MBIP: variants seen among roughly 807,000 people sequenced by gnomAD.
MBIP encodes MAP3K12 binding inhibitory protein 1.
A neutral mutation model predicts 45.7 loss-of-function variants in MBIP; 32 were observed. The observed-to-expected ratio is 0.70, with a 90% confidence interval of 0.53 to 0.94. MBIP has a LOEUF of 0.94. Among genes scored for constraint, MBIP ranks in the 40% least tolerant of loss-of-function variants. The pLI is 0.00. For synonymous variants in MBIP, 145 were observed against 141.0 expected (o/e 1.03, Z -0.20); for missense variants, 381 against 405.5 (o/e 0.94, Z 0.52).
At chr14:36,315,213 T>C (rs1262710704) in intron 2 of MBIP, among the ~76,000 whole-genome samples, 1 of 152,144 alleles carries the variant, frequency 6.6e-6, no homozygotes, top group Non-Finnish European at 1.5e-5. Context: ...GAGAGAATCA[T>C]TCTGTCACTC....
At chr14:36,313,136 TTCC>T (rs1189113717) in intron 4 of MBIP, among the ~76,000 whole-genome samples, 2 of 151,882 alleles carry the variant, frequency 1.3e-5, no homozygotes, top group African/African-American at 2.4e-5. Context: ...ATAGACATCT[TTCC>T]TCCTTTTTTT....
rs1309486352 is a variant in MBIP, at chr14:36,315,128, G to C, written c.250-213C>G. The stretch of plus-strand genomic sequence containing the variant: ...AACCATTATCATTTGCTATAAATTT[G>C]TTTTTTAAAAAAGGAGAGAGGAAAA... On this transcript the variant is annotated intron_variant, in intron 2 of 8. Transcript: ENST00000416007. Among the ~76,000 whole-genome samples, 3 of 151,638 alleles carry C rather than the reference G, an allele frequency of 2.0e-5. No individual in the cohort carries two copies. In the East Asian group the frequency reaches 5.8e-4, roughly 29 times the overall value.
chr14:36,301,303 G>A (rs1879533185), intron 7 of MBIP, among the ~76,000 whole-genome samples: 1 of 152,212 alleles, frequency 6.6e-6, no homozygotes, highest in African/African-American at 2.4e-5. Context: ...GTTTATGCAA[G>A]CAGCTACCTA....
intron 2 of MBIP, among the ~76,000 whole-genome samples, chr14:36,315,833 A>T (rs1163064290): frequency 6.6e-6 from 1 of 152,170 alleles, no homozygotes; most frequent in African/African-American, 2.4e-5. Context: ...TAACACTAAT[A>T]ACGTTCCAAT....
At chr14:36,318,436 A>C (rs1324928387) in intron 1 of MBIP, among the ~76,000 whole-genome samples, 1 of 151,984 alleles carries the variant, frequency 6.6e-6, no homozygotes, top group Non-Finnish European at 1.5e-5. Flanking sequence ...ACATCTAACT[A>C]TTCATTCAAC....
Position 36,298,955 on chromosome 14 carries a change from CAT to C in MBIP, c.*126_*127del, listed in dbSNP as rs1594501919. 5 of 593,588 alleles carry C rather than the reference CAT, an allele frequency of 8.4e-6. No individual in the cohort carries two copies. Among genetic ancestry groups the C allele is most frequent in the Admixed American group, 2.9e-5 (1 of 34,160 alleles). The allele number at this position is 593,588 out of a possible 1,614,324, so 36.8% of individuals were successfully genotyped here. On this transcript the variant is annotated 3_prime_UTR_variant, in exon 9 of 9. Transcript: ENST00000416007. ...AAGATTACTTGCTGCAAGCTGGACT[CAT>C]GTGAAAATAAACCTTGACTTCACAG...
Position 36,314,534 on chromosome 14 carries a change from G to A in MBIP, c.549C>T (p.Cys183=). 3 of 1,609,422 alleles carry A rather than the reference G, an allele frequency of 1.9e-6. No homozygotes were observed. Among genetic ancestry groups the A allele is most frequent in the Non-Finnish European group, 2.5e-6 (3 of 1,178,086 alleles). Residue 183 remains cysteine, a synonymous_variant, in exon 4 of 9, where the codon TGC becomes TGT. Coordinates refer to ENST00000416007, the MANE Select transcript of MBIP (RefSeq NM_016586.3). ...EINENNVREF[C]NVIDCNQENS... is the part of the protein sequence containing the mutation. ...TACCTTGATTACAATCAATAACATTGCAAAATTCCCTGACGTTGTTTTCAT... is the reference window on the plus strand; with the variant it reads ...TACCTTGATTACAATCAATAACATTACAAAATTCCCTGACGTTGTTTTCAT...
In MBIP at chr14:36,316,793, ACAT is replaced by A. The variant is rs756815816; in HGVS notation, c.146_148del (p.Asp49del). On this transcript the variant is annotated inframe_deletion, in exon 2 of 9. Coordinates refer to ENST00000416007, the MANE Select transcript of MBIP (RefSeq NM_016586.3). ...GTTCCAATCGATTGTAATTTTCACCACATCATCTCTGAGGTCAAGCTTCAAAGG... is the reference window on the plus strand; with the variant it reads ...GTTCCAATCGATTGTAATTTTCACCACATCTCTGAGGTCAAGCTTCAAAGG... 1.9e-6 allele frequency: 3 copies of A among 1,611,870 alleles called. No homozygotes were observed. The highest frequency in any genetic ancestry group is 2.5e-6 in the Non-Finnish European group (3 of 1,178,896).
chr14:36,309,230 T>C (rs1880059072), intron 6 of MBIP, among the ~76,000 whole-genome samples: 1 of 152,180 alleles, frequency 6.6e-6, no homozygotes, highest in South Asian at 2.1e-4. Context: ...ATACCAGTAC[T>C]ACCACTCCCC....
intron 4 of MBIP, chr14:36,314,089 G>C (rs1433594161): frequency 6.4e-6 from 1 of 155,624 alleles, no homozygotes; most frequent in Non-Finnish European, 1.4e-5. Flanking sequence ...GGAGTAGTGA[G>C]AAAACTGCTC....
chr14:36,302,958 G>A (rs1879659793), intron 7 of MBIP, among the ~76,000 whole-genome samples: 1 of 152,150 alleles, frequency 6.6e-6, no homozygotes, highest in African/African-American at 2.4e-5. Context: ...TGTGATGCTG[G>A]GCAGTGGCAG....
intron 7 of MBIP, among the ~76,000 whole-genome samples, chr14:36,301,185 CAAGTG>C (rs1036800775): frequency 2.9e-4 from 44 of 152,146 alleles, no homozygotes; most frequent in African/African-American, 8.9e-4. Flanking sequence ...GGGTATTGAA[CAAGTG>C]AAGTGACAAC....
At chr14:36,314,457 G>C in intron 4 of MBIP, 55 bp downstream of exon 4, 1 of 958,648 alleles carries the variant, frequency 1.0e-6, no homozygotes. Flanking sequence ...AAAGATTAGA[G>C]CAACTATAAA....
intron 7 of MBIP, among the ~76,000 whole-genome samples, chr14:36,303,610 A>C (rs758512957): frequency 6.6e-6 from 1 of 152,348 alleles, no homozygotes; most frequent in East Asian, 1.9e-4. Context: ...CTATAATTTT[A>C]TGGGATCACT....
chr14:36,304,562 C>T (rs975495083), intron 7 of MBIP, among the ~76,000 whole-genome samples: 4 of 152,154 alleles, frequency 2.6e-5, no homozygotes, highest in African/African-American at 7.2e-5. Flanking sequence ...ACTGTTAAGG[C>T]CATGCCCTTA....
At chr14:36,299,904 AG>A (rs577054632) in intron 8 of MBIP, among the ~76,000 whole-genome samples, 74 of 152,002 alleles carry the variant, frequency 4.9e-4, no homozygotes, top group Non-Finnish European at 8.7e-4. Context: ...AGTGGCTATT[AG>A]GGGGTAAAGA....
intron 4 of MBIP, chr14:36,313,324 G>A (rs1880330208): frequency 6.6e-6 from 1 of 152,080 alleles, no homozygotes; most frequent in Non-Finnish European, 1.5e-5. Context: ...GTGAGTGTAT[G>A]ACTGCTAGTC....
At position 36,311,940 on chromosome 14, in the gene MBIP, T is replaced by C. The variant is rs1431291376; in HGVS notation, c.637+19A>G. The C allele has an allele frequency of 6.4e-7, 1 of 1,558,836 alleles. No individual in the cohort carries two copies. The highest frequency in any genetic ancestry group is 8.7e-7 in the Non-Finnish European group (1 of 1,145,314). ...TAGACTTCTGTCAGTGACTCAGATG[T>C]CATGTGGTGGTTACTTACCTTTTAC... On this transcript the variant is annotated intron_variant, in intron 5 of 8. Transcript: ENST00000416007.
chr14:36,311,781 CT>C, intron 5 of MBIP, 56 bp from the exon 6 acceptor site: 1 of 1,450,986 alleles, frequency 6.9e-7, no homozygotes, highest in Non-Finnish European at 9.4e-7. Context: ...ATCAGAAATT[CT>C]TATTCCTTAA....
Sources: allele counts gnomAD v4.1 joint callset (sites outside exome capture counted in the v4.1 genomes callset), GRCh38; gene constraint gnomAD v4.1.1; transcripts MANE v1.5; gene names NCBI Gene and HGNC (gene_info 2026-07-23, HGNC 2026-07-21).